Variants in MITF observed in about 807,000 individuals in gnomAD.
The protein encoded by MITF is microphthalmia-associated transcription factor.
Under a neutral mutation model 60.5 loss-of-function variants are expected in MITF, and 17 were observed. The ratio of observed to expected loss-of-function variants is 0.28; its 90% confidence interval spans 0.19 to 0.42. MITF has a LOEUF of 0.42. Ranked by LOEUF, MITF falls within the 10% of genes least tolerant of loss-of-function variation. MITF has a pLI of 1.00. For missense variants in MITF, 622 were observed against 683.5 expected (o/e 0.91, Z 1.00); for synonymous variants, 260 against 248.5 (o/e 1.05, Z -0.43).
Position 69,938,057 on chromosome 3 carries a change from A to T in MITF, c.582+8A>T. On this transcript the variant is annotated splice_region_variant and intron_variant, in intron 3 of 9. Transcript: ENST00000352241. ...TCCAACTGTGAAAAAGAGGTAATTC[A>T]TGTCTCCTCTCCTCTCCTGTTTTCT... is the stretch of plus-strand genomic sequence containing the variant. 6.2e-7 allele frequency: 1 copy of T among 1,610,462 alleles called. No homozygotes were observed. The highest frequency in any genetic ancestry group is 8.5e-7 in the Non-Finnish European group (1 of 1,176,726).
chr3:69,876,129 G>A (rs563327396), intron 1 of MITF, among the ~76,000 whole-genome samples: 4 of 151,808 alleles, frequency 2.6e-5, no homozygotes, highest in East Asian at 1.9e-4. Flanking sequence ...CGACTTTCAC[G>A]TATGAAGACT....
chr3:69,799,030 G>C (rs1247063458), intron 1 of MITF, among the ~76,000 whole-genome samples: 1 of 152,196 alleles, frequency 6.6e-6, no homozygotes, highest in African/African-American at 2.4e-5. Flanking sequence ...ACAGCAGAGA[G>C]AGCGTCAGAC....
intron 7 of MITF, among the ~76,000 whole-genome samples, chr3:69,955,312 GT>G (rs1559747941): frequency 6.6e-6 from 1 of 152,098 alleles, no homozygotes; most frequent in East Asian, 1.9e-4. Context: ...AAATGTTTAC[GT>G]TGATTGCCTG....
intron 6 of MITF, among the ~76,000 whole-genome samples, chr3:69,950,983 T>C (rs2066234718): frequency 6.6e-6 from 1 of 152,096 alleles, no homozygotes; most frequent in South Asian, 2.1e-4. Flanking sequence ...AGTTATTAGA[T>C]GATTTCATTA....
intron 1 of MITF, among the ~76,000 whole-genome samples, chr3:69,846,430 C>T (rs1047251312): frequency 1.3e-5 from 2 of 152,084 alleles, no homozygotes; most frequent in African/African-American, 4.8e-5. Flanking sequence ...TAGTTTCTAC[C>T]CAGTGCCAAG....
chr3:69,963,143 G>T (rs1389581910), intron 9 of MITF, among the ~76,000 whole-genome samples: 3 of 152,196 alleles, frequency 2.0e-5, no homozygotes, highest in Admixed American at 1.3e-4. Flanking sequence ...CACATTCCAA[G>T]GTACTAAGGT....
chr3:69,900,026 T>C (rs2064961996), intron 2 of MITF, among the ~76,000 whole-genome samples: 1 of 152,166 alleles, frequency 6.6e-6, no homozygotes, highest in South Asian at 2.1e-4. Context: ...AAAGCTTTGC[T>C]AAGAATAACT....
At chr3:69,931,993 AG>A (rs2065734735) in intron 2 of MITF, among the ~76,000 whole-genome samples, 1 of 152,236 alleles carries the variant, frequency 6.6e-6, no homozygotes, top group African/African-American at 2.4e-5. Context: ...ATTCTTACAA[AG>A]ATGCTTGTCC....
chr3:69,923,725 C>G (rs1454967469), intron 2 of MITF, among the ~76,000 whole-genome samples: 1 of 152,218 alleles, frequency 6.6e-6, no homozygotes, highest in African/African-American at 2.4e-5. Flanking sequence ...AAGAAGTAGT[C>G]TATCCTCTTC....
At chr3:69,867,220 A>G (rs960664995) in intron 1 of MITF, among the ~76,000 whole-genome samples, 2 of 152,184 alleles carry the variant, frequency 1.3e-5, no homozygotes, top group African/African-American at 4.8e-5. Flanking sequence ...GGTTCTGATT[A>G]AGTCAGAAAG....
chr3:69,832,441 A>G (rs2063465539), intron 1 of MITF, among the ~76,000 whole-genome samples: 1 of 152,152 alleles, frequency 6.6e-6, no homozygotes, highest in Non-Finnish European at 1.5e-5. Context: ...GATCTTCTAC[A>G]TTTATTTGAG....
chr3:69,968,047 A>G lies in MITF; in HGVS notation c.*2799A>G. On this transcript the variant is annotated 3_prime_UTR_variant, in exon 10 of 10. Coordinates refer to ENST00000352241, the MANE Select transcript of MITF (RefSeq NM_001354604.2). The stretch of plus-strand genomic sequence containing the variant: ...ATAAGAACAAATACAATACATAGGA[A>G]GTTAAAAGCACAAAGGAATGAACTT... The G allele has an allele frequency of 4.3e-6, 1 of 233,628 alleles. No homozygotes were observed. The highest frequency in any genetic ancestry group is 8.5e-6 in the Non-Finnish European group (1 of 117,964). The allele number at this position is 233,628 out of a possible 1,614,324, so 14.5% of individuals were successfully genotyped here. A position where few individuals can be genotyped will look rare whatever the true frequency, so the allele number is the denominator to read the frequency against.
chr3:69,809,890 A>T (rs1283818389), intron 1 of MITF, among the ~76,000 whole-genome samples: 1 of 152,342 alleles, frequency 6.6e-6, no homozygotes, highest in East Asian at 1.9e-4. Flanking sequence ...AGACTCTCTT[A>T]TGCGTCTCTC....
intron 5 of MITF, 59 bp from the exon 6 acceptor site, chr3:69,948,992 C>A: frequency 7.9e-7 from 1 of 1,260,266 alleles, no homozygotes; most frequent in African/African-American, 1.5e-5. Flanking sequence ...TAGGTTTTAT[C>A]TGAAAAAACA....
chr3:69,817,558 A>G (rs1322231050), intron 1 of MITF, among the ~76,000 whole-genome samples: 2 of 152,078 alleles, frequency 1.3e-5, no homozygotes, highest in Non-Finnish European at 2.9e-5. Flanking sequence ...GGAAAGAAAC[A>G]TGAAGTTTAG....
chr3:69,911,827 A>C (rs891127757), intron 2 of MITF, among the ~76,000 whole-genome samples: 6 of 152,354 alleles, frequency 3.9e-5, no homozygotes, highest in Admixed American at 6.5e-5. Flanking sequence ...AGTGAGAGCA[A>C]AGATGGTACA....
At chr3:69,881,603 T>C (rs1448839093) in intron 2 of MITF, among the ~76,000 whole-genome samples, 4 of 151,966 alleles carry the variant, frequency 2.6e-5, no homozygotes, top group African/African-American at 9.7e-5. Context: ...TGTATAAAAG[T>C]ATTATGAAAC....
chr3:69,776,760 G>A (rs1341010394), intron 1 of MITF, among the ~76,000 whole-genome samples: 1 of 152,170 alleles, frequency 6.6e-6, no homozygotes, highest in Non-Finnish European at 1.5e-5. Flanking sequence ...TAATGCATAT[G>A]TAAAGTGCTC....
chr3:69,830,530 C>T (rs1433934543), intron 1 of MITF, among the ~76,000 whole-genome samples: 1 of 152,150 alleles, frequency 6.6e-6, no homozygotes, highest in African/African-American at 2.4e-5. Flanking sequence ...TTAACCCTGG[C>T]ACTTGCTACC....
Sources: allele counts gnomAD v4.1 joint callset (sites outside exome capture counted in the v4.1 genomes callset), GRCh38; gene constraint gnomAD v4.1.1; transcripts MANE v1.5; gene names NCBI Gene and HGNC (gene_info 2026-07-23, HGNC 2026-07-21).